TMEFF2: variants seen among roughly 807,000 people sequenced by gnomAD.
TMEFF2 encodes the protein transmembrane protein with EGF like and two follistatin like domains 2.
A neutral mutation model predicts 53.8 loss-of-function variants in TMEFF2; 28 were observed. The ratio of observed to expected loss-of-function variants is 0.52; its 90% CI spans 0.39 to 0.71. The LOEUF is 0.71. TMEFF2 is among the 30% of genes least tolerant of loss of function. The pLI, the probability that TMEFF2 is intolerant of heterozygous loss-of-function variation, is 0.00. For missense variants in TMEFF2, 353 were observed against 455.2 expected (o/e 0.78, Z 2.04); for synonymous variants, 162 against 166.3 (o/e 0.97, Z 0.20).
At position 192,118,485 on chromosome 2, in the gene TMEFF2, C is replaced by G. The variant is rs183027233; in HGVS notation, c.440-60710G>C. Among the ~76,000 whole-genome samples the G allele has an allele frequency of 3.0e-3, 461 of 152,282 alleles. 1 individual carries two copies. The highest frequency in any genetic ancestry group is 0.017 in the Middle Eastern group (5 of 290). ...GTGTGACAAAATGAATTTCCCCTTTCTCCAGCTCTGAAGTGCCCTCCTTGT... is the reference window on the plus strand; with the variant it reads ...GTGTGACAAAATGAATTTCCCCTTTGTCCAGCTCTGAAGTGCCCTCCTTGT... On this transcript the variant is annotated intron_variant, in intron 4 of 9. Coordinates refer to ENST00000272771, the MANE Select transcript of TMEFF2 (RefSeq NM_016192.4).
intron 4 of TMEFF2, among the ~76,000 whole-genome samples, chr2:192,130,297 C>T (rs1368754173): frequency 6.6e-6 from 1 of 152,126 alleles, no homozygotes; most frequent in Non-Finnish European, 1.5e-5. Context: ...TCCTCCTTCT[C>T]CTCTGTCTCC....
intron 3 of TMEFF2, among the ~76,000 whole-genome samples, chr2:192,180,690 AC>A (rs1396762322): frequency 1.3e-5 from 2 of 151,692 alleles, no homozygotes; most frequent in Non-Finnish European, 3.0e-5. Flanking sequence ...ATAAAACATG[AC>A]TTTTACTTGT....
intron 4 of TMEFF2, among the ~76,000 whole-genome samples, chr2:192,080,996 G>A (rs993653764): frequency 3.9e-5 from 6 of 152,088 alleles, no homozygotes; most frequent in African/African-American, 1.4e-4. Flanking sequence ...AGCATTCATT[G>A]CAATAATATT....
intron 4 of TMEFF2, among the ~76,000 whole-genome samples, chr2:192,079,815 G>A (rs1287736308): frequency 1.3e-5 from 2 of 151,974 alleles, no homozygotes; most frequent in East Asian, 3.9e-4. Flanking sequence ...GTATTGCTTG[G>A]TATTTATATA....
At chr2:192,022,681 C>T (rs553678883) in intron 5 of TMEFF2, among the ~76,000 whole-genome samples, 2 of 152,284 alleles carry the variant, frequency 1.3e-5, no homozygotes, top group South Asian at 4.1e-4. Flanking sequence ...CATCTATTCA[C>T]TAATTCACTG....
intron 4 of TMEFF2, among the ~76,000 whole-genome samples, chr2:192,063,575 T>C (rs533849679): frequency 3.8e-4 from 57 of 151,862 alleles, no homozygotes; most frequent in Non-Finnish European, 6.8e-4. Context: ...CTTACATTGA[T>C]GGTTAGTGTT....
intron 5 of TMEFF2, among the ~76,000 whole-genome samples, chr2:192,043,453 C>T (rs1687534450): frequency 1.3e-5 from 2 of 152,172 alleles, no homozygotes; most frequent in African/African-American, 4.8e-5. Flanking sequence ...GCCAGAATAA[C>T]TGTGCATTGG....
chr2:192,107,491 T>C (rs1381444025), intron 4 of TMEFF2, among the ~76,000 whole-genome samples: 3 of 151,772 alleles, frequency 2.0e-5, no homozygotes, highest in African/African-American at 7.2e-5. Context: ...TCAGTGTAAA[T>C]GCTATGCTAG....
intron 5 of TMEFF2, among the ~76,000 whole-genome samples, chr2:192,022,466 T>G (rs1686879440): frequency 6.6e-6 from 1 of 152,224 alleles, no homozygotes; most frequent in Non-Finnish European, 1.5e-5. Flanking sequence ...TGTTCTACTT[T>G]ATTACTTTAG....
chr2:192,158,199 G>C (rs1690550638), intron 4 of TMEFF2, among the ~76,000 whole-genome samples: 1 of 152,002 alleles, frequency 6.6e-6, no homozygotes, highest in Non-Finnish European at 1.5e-5. Flanking sequence ...CTTTAAGAAA[G>C]ACTGAAACAC....
chr2:192,005,280 G>A (rs1686473012), intron 5 of TMEFF2, among the ~76,000 whole-genome samples: 1 of 152,076 alleles, frequency 6.6e-6, no homozygotes, highest in South Asian at 2.1e-4. Flanking sequence ...CAATATTTTC[G>A]GGGGGTTTGA....
intron 4 of TMEFF2, among the ~76,000 whole-genome samples, chr2:192,102,329 A>C (rs1273654839): frequency 3.9e-5 from 6 of 152,200 alleles, no homozygotes; most frequent in Non-Finnish European, 8.8e-5. Context: ...TCTTCTGTTA[A>C]AAAACCATCT....
chr2:192,146,805 G>A (rs1421070546), intron 4 of TMEFF2, among the ~76,000 whole-genome samples: 1 of 152,108 alleles, frequency 6.6e-6, no homozygotes, highest in Non-Finnish European at 1.5e-5. Context: ...TCATGGCTTA[G>A]TGATTACACT....
In TMEFF2 at chr2:192,143,677, C is replaced by A. The variant is rs563296020; in HGVS notation, c.439+35991G>T. On this transcript the variant is annotated intron_variant, in intron 4 of 9. Coordinates refer to ENST00000272771, the MANE Select transcript of TMEFF2 (RefSeq NM_016192.4). ...AACTTCAAGAAAAATTAATTACATT[C>A]ATCATTTCCTGATTTCTTTCTTTCT... Among the ~76,000 whole-genome samples the A allele has an allele frequency of 1.5e-3, 224 of 152,142 alleles. 1 individual carries two copies. Among genetic ancestry groups the A allele is most frequent in the Middle Eastern group, 3.4e-3 (1 of 294 alleles).
chr2:192,135,908 A>T (rs1334261649), intron 4 of TMEFF2, among the ~76,000 whole-genome samples: 1 of 150,674 alleles, frequency 6.6e-6, no homozygotes, highest in Admixed American at 6.6e-5. Context: ...GCACCTTGTG[A>T]CCCCCGCCCC....
intron 4 of TMEFF2, among the ~76,000 whole-genome samples, chr2:192,091,697 T>C (rs1343918997): frequency 1.3e-5 from 2 of 152,166 alleles, no homozygotes; most frequent in African/African-American, 4.8e-5. Context: ...AGTTTTTTTT[T>C]TCAAGTGCAA....
At chr2:192,128,642 T>G (rs1689735690) in intron 4 of TMEFF2, among the ~76,000 whole-genome samples, 2 of 152,156 alleles carry the variant, frequency 1.3e-5, no homozygotes, top group Admixed American at 6.5e-5. Context: ...ACAGTCAGCT[T>G]TAGTAAGGCT....
At chr2:192,069,739 T>C (rs1020711901) in intron 4 of TMEFF2, among the ~76,000 whole-genome samples, 3 of 151,736 alleles carry the variant, frequency 2.0e-5, no homozygotes, top group African/African-American at 7.3e-5. Flanking sequence ...TCACCAAGGT[T>C]ATCCAGAGAT....
At chr2:192,037,513 G>A (rs1687349376) in intron 5 of TMEFF2, among the ~76,000 whole-genome samples, 2 of 151,674 alleles carry the variant, frequency 1.3e-5, no homozygotes, top group Admixed American at 1.3e-4. Context: ...GGCCCCTGCA[G>A]GACCTTGTAT....
Sources: allele counts gnomAD v4.1 joint callset (sites outside exome capture counted in the v4.1 genomes callset), GRCh38; gene constraint gnomAD v4.1.1; transcripts MANE v1.5; gene names NCBI Gene and HGNC (gene_info 2026-07-23, HGNC 2026-07-21).